The following ZNF112 variants were observed in gnomAD, a reference collection of about 807,000 sequenced individuals.
The protein encoded by ZNF112 is zinc finger protein 112 (Y14).
A neutral mutation model predicts 77.7 loss-of-function variants in ZNF112; 37 were observed. The observed-to-expected ratio is 0.48, with a 90% CI of 0.37 to 0.63. ZNF112 has a LOEUF of 0.63. Among genes scored for constraint, ZNF112 ranks in the 20% least tolerant of loss-of-function variants. The pLI, the probability that ZNF112 is intolerant of heterozygous loss-of-function variation, is 0.00. For synonymous variants in ZNF112, 333 were observed against 363.6 expected (o/e 0.92, Z 0.96); for missense variants, 950 against 1,077.4 (o/e 0.88, Z 1.66).
upstream of ZNF112, among the ~76,000 whole-genome samples, chr19:44,357,686 G>A (rs577768090): frequency 6.6e-6 from 1 of 152,250 alleles, no homozygotes; most frequent in Admixed American, 6.5e-5. Flanking sequence ...GCAAATAGAA[G>A]GGCTGTACTG....
intron 2 of ZNF112, among the ~76,000 whole-genome samples, chr19:44,338,202 AC>A (rs1344894684): frequency 5.9e-5 from 9 of 152,268 alleles, no homozygotes; most frequent in African/African-American, 1.9e-4. Context: ...ACAAATCCCT[AC>A]AAATAACATT....
chr19:44,360,361 T>C (rs180911059), upstream of ZNF112, among the ~76,000 whole-genome samples: 129 of 147,188 alleles, frequency 8.8e-4, 3 homozygotes, highest in African/African-American at 3.0e-3. Flanking sequence ...CAATGATATA[T>C]AAAAGGGCAA....
At chr19:44,332,810 G>C (rs1358077043) in intron 3 of ZNF112, among the ~76,000 whole-genome samples, 1 of 152,030 alleles carries the variant, frequency 6.6e-6, no homozygotes, top group Admixed American at 6.6e-5. Flanking sequence ...TAAGGACATA[G>C]AGGAAGAAAA....
chr19:44,336,810 ACT>A, intron 2 of ZNF112, 92 bp from the exon 3 acceptor site: 3 of 912,480 alleles, frequency 3.3e-6, no homozygotes, highest in East Asian at 4.9e-5. Context: ...GACAAGTGAG[ACT>A]CTCTCCCACA....
upstream of ZNF112, among the ~76,000 whole-genome samples, chr19:44,357,531 G>A (rs1164490756): frequency 3.3e-5 from 5 of 152,088 alleles, no homozygotes; most frequent in Non-Finnish European, 4.4e-5. Context: ...ACCATAATGT[G>A]TTTGTTGCAA....
At position 44,327,783 on chromosome 19, in the gene ZNF112, C is replaced by T. The variant is rs150947571; in HGVS notation, c.2374G>A (p.Val792Ile). 1 of 1,613,974 alleles carries T rather than the reference C, an allele frequency of 6.2e-7. No homozygotes were observed. Among genetic ancestry groups the T allele is most frequent in the East Asian group, 2.2e-5 (1 of 44,882 alleles). The change falls in exon 4 of 4, where the codon GTT becomes ATT. Residue 792 changes from valine (V) to isoleucine (I), a missense_variant. Physicochemically the swap from Val to Ile is conservative, Grantham distance 29. Around this residue, in one of 3 missense-constraint regions of ZNF112, gnomAD observed 373 missense variants for 482.8 expected, o/e 0.77. Transcript: ENST00000354340. ...TTATAGGGTCTCCCTTCCACATGAACCCTTTGGTGTGCTTGAAGGCGTGAA... is the reference window on the plus strand; with the variant it reads ...TTATAGGGTCTCCCTTCCACATGAATCCTTTGGTGTGCTTGAAGGCGTGAA... Reference protein sequence around the residue: ...ESSRLQAHQRVHVEGRPYKCE... With the variant: ...ESSRLQAHQRIHVEGRPYKCE...
At chr19:44,340,285 C>A in intron 2 of ZNF112, 131 bp downstream of exon 2, 2 of 1,243,626 alleles carry the variant, frequency 1.6e-6, no homozygotes, top group Non-Finnish European at 2.2e-6. Flanking sequence ...CTGTGTTGCA[C>A]GGGGATTATT....
chr19:44,342,323 AT>A (rs1970505359), intron 1 of ZNF112, among the ~76,000 whole-genome samples: 1 of 152,142 alleles, frequency 6.6e-6, no homozygotes, highest in Admixed American at 6.6e-5. Flanking sequence ...GTTAGACAAA[AT>A]CATATTTTAT....
intron 2 of ZNF112, among the ~76,000 whole-genome samples, chr19:44,337,867 A>C (rs1970414604): frequency 6.6e-6 from 1 of 150,658 alleles, no homozygotes. Flanking sequence ...ACACACACAC[A>C]CACACACACA....
Position 44,329,702 on chromosome 19 carries a change from A to G in ZNF112, c.455T>C (p.Ile152Thr), listed in dbSNP as rs61733041. The change falls in exon 4 of 4, where the codon ATA (isoleucine) becomes ACA (threonine). Residue 152 changes from isoleucine (I) to threonine (T), a missense_variant. Ile to Thr is a moderately conservative substitution (Grantham distance 89). Coordinates refer to ENST00000354340, the MANE Select transcript of ZNF112 (RefSeq NM_013380.4). ...GGAGCCATTCCCTATATGAGTGAAT[A>G]TATAGTTCTTATCTTCAGAAATCTG... ...PVQISEDKNY[I>T]FTHIGNGSNY... is the part of the protein sequence containing the mutation. 590 of 1,614,114 alleles carry G rather than the reference A, an allele frequency of 3.7e-4. 1 individual carries two copies. The African/African-American group carries it at 5.5e-3, about 15-fold the overall frequency.
intron 3 of ZNF112, among the ~76,000 whole-genome samples, chr19:44,330,512 G>A (rs536324990): frequency 9.9e-5 from 15 of 152,282 alleles, no homozygotes; most frequent in Non-Finnish European, 2.1e-4. Flanking sequence ...AAGTCGGGTG[G>A]ATCACCTGAA....
chr19:44,363,181 G>C (rs1836274), intron 1 of ZNF112, among the ~76,000 whole-genome samples: 27,171 of 151,580 alleles, frequency 0.18, 3,196 homozygotes, highest in African/African-American at 0.33. Flanking sequence ...ATGTTGCCCA[G>C]GCTGGTCTCA....
At chr19:44,339,740 G>A (rs902526266) in intron 2 of ZNF112, among the ~76,000 whole-genome samples, 1 of 152,134 alleles carries the variant, frequency 6.6e-6, no homozygotes. Flanking sequence ...TTGAGCCTGA[G>A]TGTGGGGCTC....
At chr19:44,354,669 T>C (rs926572620) in intron 1 of ZNF112, among the ~76,000 whole-genome samples, 1 of 152,202 alleles carries the variant, frequency 6.6e-6, no homozygotes, top group Admixed American at 6.5e-5. Flanking sequence ...GTAGCTACTC[T>C]AACCATAAAC....
chr19:44,348,090 AAT>A (rs1485772984), intron 1 of ZNF112, among the ~76,000 whole-genome samples: 1 of 152,164 alleles, frequency 6.6e-6, no homozygotes, highest in Non-Finnish European at 1.5e-5. Flanking sequence ...CCAGATATAT[AAT>A]ATGTCATTTT....
At chr19:44,340,570 G>A in intron 1 of ZNF112, 28 bp from the exon 2 acceptor site, 2 of 1,613,424 alleles carry the variant, frequency 1.2e-6, no homozygotes, top group Non-Finnish European at 1.7e-6. Context: ...TGCACACTAA[G>A]TTTACAGAAG....
chr19:44,343,862 T>C (rs138928148), intron 1 of ZNF112, among the ~76,000 whole-genome samples: 52 of 152,308 alleles, frequency 3.4e-4, no homozygotes, highest in African/African-American at 1.2e-3. Flanking sequence ...TATCACAAAA[T>C]TGCCCTGGCG....
upstream of ZNF112, among the ~76,000 whole-genome samples, chr19:44,358,861 G>A (rs1236409390): frequency 9.9e-5 from 15 of 152,000 alleles, no homozygotes; most frequent in Non-Finnish European, 1.6e-4. Flanking sequence ...AATCTTTCCC[G>A]ACCTCCACAC....
chr19:44,358,978 T>C (rs188704828), upstream of ZNF112, among the ~76,000 whole-genome samples: 178 of 152,308 alleles, frequency 1.2e-3, no homozygotes, highest in Non-Finnish European at 2.2e-3. Context: ...GTACTTTTTC[T>C]TGTAGCAACT....
Sources: gnomAD v4.1 joint callset for allele counts (sites outside exome capture counted in the v4.1 genomes callset) on GRCh38, gnomAD v4.1.1 for gene constraint, gnomAD v4.1.1 regional missense constraint, MANE v1.5 for transcripts, NCBI Gene and HGNC (gene_info 2026-07-23, HGNC 2026-07-21) for gene names.